The following HMGCLL1 variants were observed in gnomAD, a reference collection of about 807,000 sequenced individuals.
The protein encoded by HMGCLL1 is 3-hydroxymethyl-3-methylglutaryl-CoA lyase, cytoplasmic.
A neutral mutation model predicts 39.1 loss-of-function variants in HMGCLL1; 36 were observed. The ratio of observed to expected loss-of-function variants is 0.92; its 90% CI spans 0.71 to 1.22. HMGCLL1 has a LOEUF of 1.22. Ranked by LOEUF, HMGCLL1 falls within the 50% of genes most tolerant of loss-of-function variation. The probability of loss-of-function intolerance (pLI) is 0.00; values close to 1 mark genes in which losing one functional copy is unlikely to be tolerated. For missense variants in HMGCLL1, 451 were observed against 416.5 expected (o/e 1.08, Z -0.72); for synonymous variants, 149 against 144.0 (o/e 1.03, Z -0.25).
At chr6:55,495,984 A>G (rs1483893037) in intron 6 of HMGCLL1, among the ~76,000 whole-genome samples, 1 of 152,038 alleles carries the variant, frequency 6.6e-6, no homozygotes, top group Admixed American at 6.6e-5. Context: ...GTATTTCTCA[A>G]GCTATTAGTT....
At chr6:55,564,024 C>T in intron 1 of HMGCLL1, 1 of 469,506 alleles carries the variant, frequency 2.1e-6, no homozygotes, top group Non-Finnish European at 4.1e-6. Flanking sequence ...AATGGAAAGG[C>T]AGCAAAGCCT....
At chr6:55,606,370 C>G in the HMGCLL1 span, among the ~76,000 whole-genome samples, 2 of 152,012 alleles carry the variant, frequency 1.3e-5, no homozygotes, top group South Asian at 4.1e-4. Context: ...ATATCTTGGA[C>G]AGACAACCAG....
chr6:55,492,039 T>G (rs182823913), intron 7 of HMGCLL1, among the ~76,000 whole-genome samples: 1 of 152,256 alleles, frequency 6.6e-6, no homozygotes, highest in African/African-American at 2.4e-5. Flanking sequence ...AACTTTCATT[T>G]GTTTCCTATC....
At chr6:55,477,326 A>ATAATATATATTATAT (rs1554143265) in intron 7 of HMGCLL1, among the ~76,000 whole-genome samples, 2 of 16,068 alleles carry the variant, frequency 1.2e-4, no homozygotes, top group African/African-American at 9.3e-4. Context: ...TATATATTAT[A>ATAATATATATTATAT]TTATATAATA....
At chr6:55,650,822 C>T in the HMGCLL1 span, among the ~76,000 whole-genome samples, 3 of 152,060 alleles carry the variant, frequency 2.0e-5, no homozygotes, top group Non-Finnish European at 4.4e-5. Context: ...GCTTCCACCA[C>T]AATCTGTCCA....
intron 1 of HMGCLL1, among the ~76,000 whole-genome samples, chr6:55,557,930 A>G (rs897134880): frequency 1.3e-5 from 2 of 152,202 alleles, no homozygotes; most frequent in Non-Finnish European, 2.9e-5. Context: ...CAAGTGAGAA[A>G]CAGGATACTT....
chr6:55,548,139 T>TC (rs1171999772), intron 1 of HMGCLL1, among the ~76,000 whole-genome samples: 14 of 152,044 alleles, frequency 9.2e-5, no homozygotes, highest in South Asian at 2.1e-4. Flanking sequence ...ATGTCTTAAC[T>TC]TACTACATCA....
chr6:55,626,008 C>T, the HMGCLL1 span, among the ~76,000 whole-genome samples: 1 of 152,120 alleles, frequency 6.6e-6, no homozygotes, highest in South Asian at 2.1e-4. Context: ...GTTATGCATG[C>T]ACTCAGTAAT....
At chr6:55,636,176 C>A in the HMGCLL1 span, among the ~76,000 whole-genome samples, 2,156 of 152,030 alleles carry the variant, frequency 0.014, 44 homozygotes, top group African/African-American at 0.049. Context: ...AAAGTAGAGA[C>A]CACCTCAAAA....
chr6:55,523,841 A>G (rs907465225), intron 3 of HMGCLL1, among the ~76,000 whole-genome samples: 1 of 152,002 alleles, frequency 6.6e-6, no homozygotes, highest in Non-Finnish European at 1.5e-5. Context: ...TCTTCCAAAC[A>G]TTATATACAT....
At chr6:55,569,871 C>T (rs1771390198) in intron 1 of HMGCLL1, among the ~76,000 whole-genome samples, 1 of 152,188 alleles carries the variant, frequency 6.6e-6, no homozygotes, top group Non-Finnish European at 1.5e-5. Flanking sequence ...TCAGCATGCA[C>T]TAGTCAGCCA....
the HMGCLL1 span, among the ~76,000 whole-genome samples, chr6:55,585,598 C>A: frequency 6.6e-6 from 1 of 152,022 alleles, no homozygotes; most frequent in Non-Finnish European, 1.5e-5. Context: ...ACACAATTCA[C>A]TATCAATTAT....
the HMGCLL1 span, among the ~76,000 whole-genome samples, chr6:55,644,938 G>A: frequency 6.6e-6 from 1 of 151,968 alleles, no homozygotes; most frequent in African/African-American, 2.4e-5. Context: ...TCTGAAGAAT[G>A]TCATTGGTAT....
At chr6:55,636,463 C>T in the HMGCLL1 span, among the ~76,000 whole-genome samples, 4 of 152,160 alleles carry the variant, frequency 2.6e-5, no homozygotes, top group Non-Finnish European at 5.9e-5. Flanking sequence ...TCCATATGTC[C>T]TTATTACTAT....
intron 1 of HMGCLL1, among the ~76,000 whole-genome samples, chr6:55,571,727 T>C (rs1013676855): frequency 2.0e-5 from 3 of 152,068 alleles, no homozygotes; most frequent in Non-Finnish European, 2.9e-5. Context: ...GAGAACTGCA[T>C]GAACCCAGGA....
At chr6:55,480,129 G>C (rs2127412422) in intron 7 of HMGCLL1, among the ~76,000 whole-genome samples, 1 of 151,636 alleles carries the variant, frequency 6.6e-6, no homozygotes, top group Admixed American at 6.6e-5. Flanking sequence ...TTAAAATAAT[G>C]TAATTTTAAG....
intron 7 of HMGCLL1, among the ~76,000 whole-genome samples, chr6:55,460,467 T>C (rs1167937691): frequency 6.6e-6 from 1 of 151,932 alleles, no homozygotes; most frequent in Non-Finnish European, 1.5e-5. Context: ...TCTGTTTTTA[T>C]CAGCCGCATC....
At chr6:55,598,237 A>G in the HMGCLL1 span, among the ~76,000 whole-genome samples, 1 of 152,138 alleles carries the variant, frequency 6.6e-6, no homozygotes, top group Admixed American at 6.6e-5. Context: ...GTATTTAATG[A>G]TTTTTATCCT....
At chr6:55,651,421 A>G in the HMGCLL1 span, among the ~76,000 whole-genome samples, 2 of 152,200 alleles carry the variant, frequency 1.3e-5, no homozygotes. Flanking sequence ...ACTCTGCCCT[A>G]TGCCTTATCC....
Sources: allele counts gnomAD v4.1 joint callset (sites outside exome capture counted in the v4.1 genomes callset), GRCh38; gene constraint gnomAD v4.1.1; transcripts MANE v1.5; gene names NCBI Gene and HGNC (gene_info 2026-07-23, HGNC 2026-07-21).